CACNA1C: variants seen among roughly 807,000 people sequenced by gnomAD.
CACNA1C encodes the protein calcium voltage-gated channel subunit alpha1 C.
A neutral mutation model predicts 229.0 loss-of-function variants in CACNA1C; 30 were observed. That is an observed-to-expected ratio of 0.13 (90% CI 0.10 to 0.18). The LOEUF (loss-of-function observed/expected upper bound fraction) is 0.18, where lower values mean the gene tolerates loss of function less well. CACNA1C is among the 10% of genes least tolerant of loss of function. The pLI is 1.00. For synonymous variants in CACNA1C, 1,114 were observed against 1,132.5 expected (o/e 0.98, Z 0.33); for missense variants, 1,658 against 2,845.0 (o/e 0.58, Z 9.49).
At chr12:2,358,804 C>T (rs1204696774) in intron 3 of CACNA1C, among the ~76,000 whole-genome samples, 1 of 152,150 alleles carries the variant, frequency 6.6e-6, no homozygotes, top group South Asian at 2.1e-4. Flanking sequence ...TCCAGCAAAG[C>T]CTACAGTCAC....
chr12:2,106,837 C>G (rs373865360), intron 1 of CACNA1C, among the ~76,000 whole-genome samples: 46 of 86,194 alleles, frequency 5.3e-4, no homozygotes, highest in Admixed American at 6.9e-4. Context: ...GCTGGGCGTC[C>G]TGAAGCCACT....
At chr12:2,039,575 TGTTGAGAGTCTA>T (rs1470387611) in intron 1 of CACNA1C, among the ~76,000 whole-genome samples, 1 of 152,160 alleles carries the variant, frequency 6.6e-6, no homozygotes, top group Non-Finnish European at 1.5e-5. Context: ...GCCCTTGAGA[TGTTGAGAGTCTA>T]GTTGGGAATA....
chr12:2,390,099 A>G (rs2154548474), intron 3 of CACNA1C, among the ~76,000 whole-genome samples: 1 of 152,332 alleles, frequency 6.6e-6, no homozygotes, highest in South Asian at 2.1e-4. Flanking sequence ...AATTCTAGGC[A>G]GCTTGATTTC....
intron 3 of CACNA1C, among the ~76,000 whole-genome samples, chr12:2,395,710 C>T (rs1459756829): frequency 1.3e-5 from 2 of 152,144 alleles, no homozygotes; most frequent in Non-Finnish European, 2.9e-5. Context: ...CTGAGGCTTC[C>T]CATGTATTCC....
At chr12:2,549,330 G>A (rs1379351158) in intron 9 of CACNA1C, among the ~76,000 whole-genome samples, 1 of 152,194 alleles carries the variant, frequency 6.6e-6, no homozygotes, top group East Asian at 1.9e-4. Context: ...TATGTCTGCA[G>A]GGCTAGCTTG....
chr12:2,419,414 G>A (rs780497047), intron 3 of CACNA1C, among the ~76,000 whole-genome samples: 1 of 152,006 alleles, frequency 6.6e-6, no homozygotes, highest in Non-Finnish European at 1.5e-5. Context: ...GGGATCCACC[G>A]CCACGGCCTG....
intron 5 of CACNA1C, among the ~76,000 whole-genome samples, chr12:2,485,010 C>T (rs924134576): frequency 1.3e-5 from 2 of 151,512 alleles, no homozygotes; most frequent in Non-Finnish European, 2.9e-5. Flanking sequence ...GCACCAACAA[C>T]GGCCTTGGGG....
At chr12:2,051,295 CAGG>C (rs1463454493), upstream of CACNA1C, among the ~76,000 whole-genome samples, 1 of 152,162 alleles carries the variant, frequency 6.6e-6, no homozygotes, top group African/African-American at 2.4e-5. Context: ...GGGGCCCAGC[CAGG>C]AGGCTAGTGT....
intron 5 of CACNA1C, among the ~76,000 whole-genome samples, chr12:2,481,859 G>T (rs1230456314): frequency 6.6e-6 from 1 of 152,250 alleles, no homozygotes; most frequent in Non-Finnish European, 1.5e-5. Flanking sequence ...TTTGTCAGCA[G>T]TTGCTTCACC....
chr12:2,284,295 T>A (rs1591648904), intron 3 of CACNA1C, among the ~76,000 whole-genome samples: 1 of 141,072 alleles, frequency 7.1e-6, no homozygotes, highest in African/African-American at 2.7e-5. Context: ...ACCTCTAGAT[T>A]TTTTTTTTTT....
intron 3 of CACNA1C, among the ~76,000 whole-genome samples, chr12:2,162,223 TC>T (rs2095902634): frequency 6.6e-6 from 1 of 152,022 alleles, no homozygotes; most frequent in Admixed American, 6.6e-5. Flanking sequence ...GTTGTCCCTT[TC>T]TTAATGAGCT....
chr12:2,641,771 G>C, intron 30 of CACNA1C: 1 of 702,474 alleles, frequency 1.4e-6, no homozygotes, highest in Non-Finnish European at 2.6e-6. Flanking sequence ...TGAGCCTTTA[G>C]CAACGTGACC....
rs1720526909 is a variant in CACNA1C at position 2,275,203 on chromosome 12, C to A, written c.477+154773C>A. Among the ~76,000 whole-genome samples, 1 of 152,208 alleles carries A rather than the reference C, an allele frequency of 6.6e-6. No homozygotes were observed. The highest frequency in any genetic ancestry group is 6.5e-5 in the Admixed American group (1 of 15,284). On this transcript the variant is annotated intron_variant, in intron 3 of 46. Transcript: ENST00000399655. The surrounding 1 kb of genome is among the most constrained non-coding windows in gnomAD (Gnocchi z 4.1). ...TGTTTGGTGTGTAATCATTGTCCTG[C>A]TAGCTAGCAGTCATCATCAGCAATG...
chr12:1,993,433 T>G (rs889914904), intron 1 of CACNA1C: 4 of 1,592,276 alleles, frequency 2.5e-6, no homozygotes, highest in Non-Finnish European at 3.4e-6. Flanking sequence ...ATAGACAAAT[T>G]GCTTAGTATG....
chr12:2,567,393 G>A (rs371187536), intron 12 of CACNA1C, among the ~76,000 whole-genome samples, 176 bp from the exon 13 acceptor site: 11 of 152,228 alleles, frequency 7.2e-5, no homozygotes, highest in Admixed American at 1.3e-4. Flanking sequence ...TGATTGTGAC[G>A]AGAGAGCCCT....
chr12:2,384,410 G>A (rs993110304), intron 3 of CACNA1C, among the ~76,000 whole-genome samples: 6 of 152,066 alleles, frequency 3.9e-5, no homozygotes, highest in Admixed American at 2.6e-4. Flanking sequence ...TCGTGGATTC[G>A]GAACTGAGCC....
intron 34 of CACNA1C, chr12:2,660,572 T>C (rs2095658438): frequency 3.3e-5 from 5 of 151,516 alleles, no homozygotes; most frequent in African/African-American, 1.2e-4. Context: ...ACACCTGTAA[T>C]CCTAGCACTT....
At chr12:2,409,697 C>A (rs934445305) in intron 3 of CACNA1C, among the ~76,000 whole-genome samples, 1 of 152,242 alleles carries the variant, frequency 6.6e-6, no homozygotes, top group Non-Finnish European at 1.5e-5. Flanking sequence ...CACTTCCTCG[C>A]AGTCCCCCCC....
In CACNA1C at chr12:2,403,977, G is replaced by A. The variant is rs779054409; in HGVS notation, c.478-44999G>A. 2.8e-4 allele frequency among the ~76,000 whole-genome samples: 43 copies of A among 152,220 alleles called. No homozygotes were observed. Among genetic ancestry groups the A allele is most frequent in the Non-Finnish European group, 6.0e-4 (41 of 68,046 alleles). On this transcript the variant is annotated intron_variant, in intron 3 of 46. Coordinates refer to ENST00000399655, the MANE Select transcript of CACNA1C (RefSeq NM_000719.7). The surrounding 1 kb of genome is among the most constrained non-coding windows in gnomAD (Gnocchi z 4.1). Reference sequence around the variant, plus strand: ...CCTCTAGTCAGAATGTCCTTGCTGTGTACCAGGGCACACTGTGGGCTCCGT... The same window carrying A: ...CCTCTAGTCAGAATGTCCTTGCTGTATACCAGGGCACACTGTGGGCTCCGT...
Sources: gnomAD v4.1 joint callset for allele counts (sites outside exome capture counted in the v4.1 genomes callset) on GRCh38, gnomAD v4.1.1 for gene constraint, Gnocchi (gnomAD v3.1) non-coding constraint, MANE v1.5 for transcripts, NCBI Gene and HGNC (gene_info 2026-07-23, HGNC 2026-07-21) for gene names.